Variants in DCDC1 observed in about 807,000 individuals in gnomAD.
DCDC1 encodes the protein doublecortin domain containing 1.
DCDC1 carries 200 observed loss-of-function variants against 178.3 expected under a neutral mutation model. The ratio of observed to expected loss-of-function variants is 1.12; its 90% confidence interval spans 1.00 to 1.26. The LOEUF is 1.26. Ranked by LOEUF, DCDC1 falls within the 50% of genes most tolerant of loss-of-function variation. The pLI is 0.00. For synonymous variants in DCDC1, 690 were observed against 604.8 expected, an observed-to-expected ratio of 1.14 and a Z score of -2.07; for missense variants, 1,983 against 1,749.2, an observed-to-expected ratio of 1.13 and a Z score of -2.38.
chr11:30,870,927 A>G (rs959163064), intron 38 of DCDC1, among the ~76,000 whole-genome samples: 5 of 152,218 alleles, frequency 3.3e-5, no homozygotes, highest in African/African-American at 4.8e-5. Flanking sequence ...AACCAAAACA[A>G]TGGCAGAAAT....
intron 1 of DCDC1, among the ~76,000 whole-genome samples, chr11:31,347,867 G>T (rs1950891303): frequency 6.6e-6 from 1 of 152,130 alleles, no homozygotes. Context: ...CATTTCTTGG[G>T]CATAGTACCA....
At chr11:31,244,084 C>G (rs991172313) in intron 8 of DCDC1, among the ~76,000 whole-genome samples, 1 of 151,594 alleles carries the variant, frequency 6.6e-6, no homozygotes, top group Non-Finnish European at 1.5e-5. Context: ...GAAAATGATA[C>G]GCCTAAGTAC....
chr11:31,073,905 T>A (rs545839840), intron 18 of DCDC1, among the ~76,000 whole-genome samples: 1 of 152,284 alleles, frequency 6.6e-6, no homozygotes, highest in Admixed American at 6.5e-5. Flanking sequence ...ATTTAAATTG[T>A]ATCAAACTCT....
intron 20 of DCDC1, among the ~76,000 whole-genome samples, chr11:30,974,912 C>G (rs1197101612): frequency 6.6e-6 from 1 of 151,928 alleles, no homozygotes; most frequent in African/African-American, 2.4e-5. Flanking sequence ...GACAAGGATG[C>G]AACAACAAAA....
intron 20 of DCDC1, among the ~76,000 whole-genome samples, chr11:30,994,282 A>G (rs1422147891): frequency 2.0e-5 from 3 of 152,092 alleles, no homozygotes; most frequent in African/African-American, 4.8e-5. Context: ...ACAGCAAACC[A>G]GGAATAGAAT....
chr11:31,120,537 C>G (rs1960646289), intron 11 of DCDC1, among the ~76,000 whole-genome samples: 1 of 152,094 alleles, frequency 6.6e-6, no homozygotes, highest in African/African-American at 2.4e-5. Flanking sequence ...ACTTTCAGAC[C>G]TAATTTCAAA....
chr11:31,126,175 A>G (rs1056424336), intron 11 of DCDC1, among the ~76,000 whole-genome samples: 12 of 152,086 alleles, frequency 7.9e-5, no homozygotes, highest in Non-Finnish European at 1.5e-5. Flanking sequence ...ACACTTCCCC[A>G]TCCCTTTTTA....
chr11:31,185,634 T>C (rs763067113), intron 9 of DCDC1, among the ~76,000 whole-genome samples: 1 of 152,096 alleles, frequency 6.6e-6, no homozygotes, highest in Admixed American at 6.5e-5. Flanking sequence ...AATAAAACAA[T>C]ATGTCAAAAC....
rs546340821 is a variant in DCDC1 at position 30,964,407 on chromosome 11, T to C, written c.2592-11839A>G. ...AAGAAGTTCCACTGTCATGGCTCTT[T>C]GGAATTTATTTGTATTGACATGGCA... On this transcript the variant is annotated intron_variant, in intron 20 of 38. Transcript: ENST00000684477. Among the ~76,000 whole-genome samples the C allele has an allele frequency of 2.0e-5, 3 of 152,266 alleles. No individual in the cohort carries two copies. In the South Asian group the frequency reaches 6.2e-4, roughly 32 times the overall value.
At chr11:31,215,308 A>T (rs535862519) in intron 9 of DCDC1, 1 of 155,898 alleles carries the variant, frequency 6.4e-6, no homozygotes, top group South Asian at 1.8e-4. Flanking sequence ...AATACATTTT[A>T]AAAATAAGAA....
intron 9 of DCDC1, among the ~76,000 whole-genome samples, chr11:31,213,100 C>G (rs12284116): frequency 4.5e-5 from 2 of 44,240 alleles, no homozygotes; most frequent in Non-Finnish European, 8.8e-5. Flanking sequence ...TAAAGCCCAG[C>G]CTCTCTCTCT....
At chr11:31,104,054 C>T (rs1270041505) in intron 13 of DCDC1, among the ~76,000 whole-genome samples, 6 of 152,084 alleles carry the variant, frequency 3.9e-5, no homozygotes, top group Admixed American at 3.3e-4. Flanking sequence ...GAAAAACAAT[C>T]GTCATTCACA....
intron 20 of DCDC1, among the ~76,000 whole-genome samples, chr11:30,960,360 A>G (rs921400811): frequency 2.0e-5 from 3 of 152,176 alleles, no homozygotes; most frequent in Non-Finnish European, 4.4e-5. Flanking sequence ...AAACATTAAC[A>G]TAGAGCAAAG....
intron 21 of DCDC1, among the ~76,000 whole-genome samples, chr11:30,940,923 C>A (rs1039656225): frequency 2.6e-4 from 39 of 152,150 alleles, no homozygotes; most frequent in Admixed American, 2.6e-3. Flanking sequence ...CTGATTCTAA[C>A]ACCTTTTGCT....
chr11:30,925,298 C>T lies in DCDC1; in HGVS notation c.2997+11G>A. 2.5e-6 allele frequency: 4 copies of T among 1,608,270 alleles called. No homozygotes were observed. Among genetic ancestry groups the T allele is most frequent in the Non-Finnish European group, 3.4e-6 (4 of 1,175,722 alleles). On this transcript the variant is annotated intron_variant, in intron 23 of 38. Coordinates refer to ENST00000684477, the MANE Select transcript of DCDC1 (RefSeq NM_001387274.1). ...AAATTAATATTGCCAGTTTCAAATC[C>T]ATGTCTTTACCAGTTCATCTCTTTG...
intron 12 of DCDC1, among the ~76,000 whole-genome samples, chr11:31,108,674 A>C (rs1959007437): frequency 6.6e-6 from 1 of 152,192 alleles, no homozygotes; most frequent in African/African-American, 2.4e-5. Flanking sequence ...CTTTCACAGG[A>C]GTTGCATTGC....
Position 31,089,605 on chromosome 11 carries a change from C to A in DCDC1, c.2237+1788G>T, listed in dbSNP as rs1018292144. 3.0e-5 allele frequency among the ~76,000 whole-genome samples: 4 copies of A among 132,604 alleles called. No individual in the cohort carries two copies. In the East Asian group the frequency reaches 8.2e-4, roughly 27 times the overall value. The allele number at this position is 132,604 out of a possible 152,430, so 87.0% of individuals were successfully genotyped here. On this transcript the variant is annotated intron_variant, in intron 17 of 38. Transcript: ENST00000684477. The stretch of plus-strand genomic sequence containing the variant: ...GAAATTTTCTCACATCTCACTGATG[C>A]TCCGTTCTTTTTTTTTTTTTTGAAG...
rs564940104 is a variant in DCDC1, at chr11:31,252,702, C to T, written c.1055-11086G>A. Among the ~76,000 whole-genome samples the T allele has an allele frequency of 2.0e-5, 3 of 151,786 alleles. No homozygotes were observed. The South Asian group carries it at 6.3e-4, about 32-fold the overall frequency. On this transcript the variant is annotated intron_variant, in intron 8 of 38. Coordinates refer to ENST00000684477, the MANE Select transcript of DCDC1 (RefSeq NM_001387274.1). ...TGAAGAGGCTAGGGATATTTAACCT[C>T]GAAACACTTAAATGATACATATTCA...
intron 20 of DCDC1, among the ~76,000 whole-genome samples, chr11:31,038,674 G>A (rs1292479198): frequency 6.6e-6 from 1 of 152,140 alleles, no homozygotes. Flanking sequence ...CTCTCAGCAG[G>A]CTCTCTACCA....
Sources: allele counts gnomAD v4.1 joint callset (sites outside exome capture counted in the v4.1 genomes callset), GRCh38; gene constraint gnomAD v4.1.1; transcripts MANE v1.5; gene names NCBI Gene and HGNC (gene_info 2026-07-23, HGNC 2026-07-21).